The following HMGCLL1 variants were observed in gnomAD, a reference collection of about 807,000 sequenced individuals.
HMGCLL1 encodes the protein 3-hydroxy-3-methylglutaryl-CoA lyase like 1, also known as 3-hydroxymethyl-3-methylglutaryl-CoA lyase, cytoplasmic.
HMGCLL1 carries 36 observed loss-of-function variants against 39.1 expected under a neutral mutation model. The observed-to-expected ratio is 0.92, with a 90% confidence interval of 0.71 to 1.22. The LOEUF is 1.22. Among genes scored for constraint, HMGCLL1 ranks in the 50% most tolerant of loss-of-function variants. HMGCLL1 has a pLI of 0.00. For synonymous variants in HMGCLL1, 149 were observed against 144.0 expected (o/e 1.03, Z -0.25); for missense variants, 451 against 416.5 (o/e 1.08, Z -0.72).
rs556194769 is a variant in HMGCLL1 at position 55,569,771 on chromosome 6, C to T, written c.108+9177G>A. Among the ~76,000 whole-genome samples the T allele has an allele frequency of 9.2e-5, 14 of 152,250 alleles. No homozygotes were observed. The East Asian group carries it at 2.5e-3, about 27-fold the overall frequency. On this transcript the variant is annotated intron_variant, in intron 1 of 8. Transcript: ENST00000274901. Reference sequence around the variant, plus strand: ...AAAATAAAAAATAAGGAGGGTATAACATGGCTATATCTCTTATGAAACACC... The same window carrying T: ...AAAATAAAAAATAAGGAGGGTATAATATGGCTATATCTCTTATGAAACACC...
At chr6:55,498,141 G>A (rs960070806) in intron 6 of HMGCLL1, among the ~76,000 whole-genome samples, 6 of 152,118 alleles carry the variant, frequency 3.9e-5, no homozygotes, top group Admixed American at 1.3e-4. Flanking sequence ...TCATTCCTAC[G>A]TGGTGCACAG....
At chr6:55,668,461 A>G in the HMGCLL1 span, among the ~76,000 whole-genome samples, 2 of 151,886 alleles carry the variant, frequency 1.3e-5, no homozygotes, top group African/African-American at 2.4e-5. Flanking sequence ...TGGGTAAAAT[A>G]AAGTAAACAC....
chr6:55,439,622 T>C, intron 7 of HMGCLL1, 63 bp from the exon 8 acceptor site: 1 of 1,563,872 alleles, frequency 6.4e-7, no homozygotes, highest in Non-Finnish European at 8.7e-7. Flanking sequence ...GTTGCATTTC[T>C]ATTTAACCTA....
the HMGCLL1 span, among the ~76,000 whole-genome samples, chr6:55,608,964 G>A: frequency 6.6e-6 from 1 of 152,218 alleles, no homozygotes; most frequent in African/African-American, 2.4e-5. Flanking sequence ...GCCACACAGG[G>A]CAGGGGAGGC....
intron 3 of HMGCLL1, among the ~76,000 whole-genome samples, chr6:55,532,894 A>G (rs1005079000): frequency 1.3e-5 from 2 of 150,480 alleles, no homozygotes; most frequent in African/African-American, 4.9e-5. Flanking sequence ...TAACATTTCC[A>G]TATTCTTTTT....
the HMGCLL1 span, among the ~76,000 whole-genome samples, chr6:55,591,330 A>C: frequency 6.6e-6 from 1 of 151,932 alleles, no homozygotes. Flanking sequence ...AAAAACTCTT[A>C]ATATCTTCAG....
the HMGCLL1 span, among the ~76,000 whole-genome samples, chr6:55,589,046 C>A: frequency 0.085 from 12,885 of 152,218 alleles, 738 homozygotes; most frequent in Non-Finnish European, 0.13. Context: ...TCCTCCCTAA[C>A]TCATTTTATG....
chr6:55,452,986 G>A (rs9396096), intron 7 of HMGCLL1, among the ~76,000 whole-genome samples: 22,937 of 152,134 alleles, frequency 0.15, 1,807 homozygotes, highest in Middle Eastern at 0.2. Flanking sequence ...AGGAAGGGGT[G>A]GAGGAGAGGA....
intron 1 of HMGCLL1, among the ~76,000 whole-genome samples, chr6:55,568,639 G>A (rs1428569212): frequency 6.6e-6 from 1 of 152,122 alleles, no homozygotes; most frequent in Non-Finnish European, 1.5e-5. Flanking sequence ...TCAGAACAGT[G>A]GTGGGAAACT....
the HMGCLL1 span, among the ~76,000 whole-genome samples, chr6:55,643,463 G>A: frequency 6.6e-6 from 1 of 151,954 alleles, no homozygotes; most frequent in Non-Finnish European, 1.5e-5. Flanking sequence ...TTTGGGCAGT[G>A]TGGCCATTTT....
At chr6:55,659,270 G>A in the HMGCLL1 span, among the ~76,000 whole-genome samples, 4 of 151,862 alleles carry the variant, frequency 2.6e-5, no homozygotes, top group Non-Finnish European at 5.9e-5. Flanking sequence ...GCAGGAAAGA[G>A]CAATAATTTT....
the HMGCLL1 span, among the ~76,000 whole-genome samples, chr6:55,669,192 T>C: frequency 1.3e-5 from 2 of 151,806 alleles, no homozygotes; most frequent in South Asian, 2.1e-4. Context: ...CTATCATTAG[T>C]AGCATACAAA....
chr6:55,564,349 C>T (rs1355617900), intron 1 of HMGCLL1, among the ~76,000 whole-genome samples: 1 of 152,082 alleles, frequency 6.6e-6, no homozygotes, highest in Non-Finnish European at 1.5e-5. Context: ...TCATTAACCT[C>T]AAAATAGCAC....
intron 3 of HMGCLL1, among the ~76,000 whole-genome samples, chr6:55,527,657 T>C (rs1237423703): frequency 6.6e-6 from 1 of 152,014 alleles, no homozygotes; most frequent in Non-Finnish European, 1.5e-5. Flanking sequence ...TCCTACAGCC[T>C]AGAAGGGACC....
chr6:55,589,131 A>T, the HMGCLL1 span, among the ~76,000 whole-genome samples: 1 of 152,204 alleles, frequency 6.6e-6, no homozygotes, highest in Non-Finnish European at 1.5e-5. Flanking sequence ...AATATCCCTG[A>T]TGAACATCAA....
the HMGCLL1 span, among the ~76,000 whole-genome samples, chr6:55,656,504 A>T: frequency 6.6e-6 from 1 of 151,768 alleles, no homozygotes; most frequent in Admixed American, 6.6e-5. Flanking sequence ...CCACTTAAAC[A>T]CCTTGTGTAC....
intron 7 of HMGCLL1, among the ~76,000 whole-genome samples, chr6:55,459,940 CTT>C (rs1764485424): frequency 6.6e-6 from 1 of 151,920 alleles, no homozygotes. Context: ...AACTGTTTAA[CTT>C]TGAATTGTCA....
chr6:55,550,111 G>A (rs528979942), intron 1 of HMGCLL1, among the ~76,000 whole-genome samples: 1 of 152,054 alleles, frequency 6.6e-6, no homozygotes, highest in African/African-American at 2.4e-5. Flanking sequence ...TTTTATATTT[G>A]TTGGAGATGA....
chr6:55,453,349 T>G (rs913069878), intron 7 of HMGCLL1, among the ~76,000 whole-genome samples: 14 of 152,230 alleles, frequency 9.2e-5, no homozygotes, highest in African/African-American at 3.4e-4. Context: ...TGGCTAATTT[T>G]TTTGTATTTT....
Sources: gnomAD v4.1 joint callset for allele counts (sites outside exome capture counted in the v4.1 genomes callset) on GRCh38, gnomAD v4.1.1 for gene constraint, MANE v1.5 for transcripts, NCBI Gene and HGNC (gene_info 2026-07-23, HGNC 2026-07-21) for gene names.